NR6A1: variants seen among roughly 807,000 people sequenced by gnomAD.
NR6A1 encodes nuclear receptor subfamily 6 group A member 1, also known as retinoic acid receptor-related testis-associated receptor.
A neutral mutation model predicts 59.1 loss-of-function variants in NR6A1; 7 were observed. The ratio of observed to expected loss-of-function variants is 0.12; its 90% confidence interval spans 0.07 to 0.22. The LOEUF (loss-of-function observed/expected upper bound fraction) is 0.22, where lower values mean the gene tolerates loss of function less well. Ranked by LOEUF, NR6A1 falls within the 10% of genes least tolerant of loss-of-function variation. The pLI is 1.00. For synonymous variants in NR6A1, 243 were observed against 236.1 expected (o/e 1.03, Z -0.27); for missense variants, 468 against 611.6 (o/e 0.77, Z 2.48).
chr9:124,632,251 C>T (rs763691068), intron 2 of NR6A1, among the ~76,000 whole-genome samples: 12 of 152,188 alleles, frequency 7.9e-5, no homozygotes, highest in Non-Finnish European at 1.3e-4. Flanking sequence ...CCACACTCTT[C>T]CACAATAGTT....
At position 124,771,158 on chromosome 9, in the gene NR6A1, G is replaced by C; in HGVS notation, c.-39C>G. 1 of 1,103,480 alleles carries C rather than the reference G, an allele frequency of 9.1e-7. No individual in the cohort carries two copies. The highest frequency in any genetic ancestry group is 1.1e-6 in the Non-Finnish European group (1 of 870,594). The allele number at this position is 1,103,480 out of a possible 1,614,324, so 68.4% of individuals were successfully genotyped here. ...GGGTCCGCGCCGGGTTTGTTGCTCC[G>C]CCATGACCGGCGCCCTAGTCGCCGT... is the stretch of plus-strand genomic sequence containing the variant. On this transcript the variant is annotated 5_prime_UTR_variant, in exon 1 of 10. Transcript: ENST00000487099.
At chr9:124,719,464 C>T (rs1426800353) in intron 2 of NR6A1, among the ~76,000 whole-genome samples, 4 of 152,128 alleles carry the variant, frequency 2.6e-5, no homozygotes, top group Admixed American at 6.5e-5. Flanking sequence ...TATCAGATTA[C>T]ATTTTTAAGA....
At chr9:124,613,853 A>C (rs1835819350) in intron 2 of NR6A1, among the ~76,000 whole-genome samples, 1 of 152,194 alleles carries the variant, frequency 6.6e-6, no homozygotes, top group South Asian at 2.1e-4. Context: ...AAGTATATAA[A>C]AGTTTACAGA....
intron 2 of NR6A1, among the ~76,000 whole-genome samples, chr9:124,709,697 G>A (rs1839221101): frequency 6.6e-6 from 1 of 152,084 alleles, no homozygotes; most frequent in Non-Finnish European, 1.5e-5. Context: ...ACTTTGGGAG[G>A]CCAAGGCGGG....
intron 3 of NR6A1, among the ~76,000 whole-genome samples, chr9:124,551,376 T>A (rs1833773106): frequency 6.6e-6 from 1 of 152,216 alleles, no homozygotes; most frequent in South Asian, 2.1e-4. Flanking sequence ...GGGGATTCAT[T>A]CTGGCCTTCT....
In NR6A1 at chr9:124,750,514, C is replaced by A. The variant is rs574741822; in HGVS notation, c.101-17165G>T. Among the ~76,000 whole-genome samples the A allele has an allele frequency of 3.9e-5, 6 of 152,110 alleles. No individual in the cohort carries two copies. In the South Asian group the frequency reaches 6.2e-4, roughly 16 times the overall value. On this transcript the variant is annotated intron_variant, in intron 1 of 9. Coordinates refer to ENST00000487099, the MANE Select transcript of NR6A1 (RefSeq NM_033334.4). ...GGTGGCTCACGCCTGTAATCCCAGC[C>A]CTTTGGGAGGCCGAGGCAGGCGGAT...
At chr9:124,645,350 G>A (rs899877397) in intron 2 of NR6A1, among the ~76,000 whole-genome samples, 2 of 152,236 alleles carry the variant, frequency 1.3e-5, no homozygotes, top group African/African-American at 4.8e-5. Context: ...AAGGCAGATT[G>A]TTAGAGTGAA....
Position 124,536,003 on chromosome 9 carries a change from G to A in NR6A1, c.954C>T (p.Cys318=). ...GCTCCTGCCACGTAGAGCTCAAGAG[G>A]CACGTGTAATCCTTGATTGAGAGCT... ...FCELSIKDYT[C]LLSSTWQELI... Residue 318 remains cysteine (C), a synonymous_variant, in exon 7 of 10, where the codon TGC becomes TGT. Transcript: ENST00000487099. 6.2e-7 allele frequency: 1 copy of A among 1,614,214 alleles called. No homozygotes were observed. Among genetic ancestry groups the A allele is most frequent in the African/African-American group, 1.3e-5 (1 of 75,048 alleles).
At chr9:124,527,636 A>G (rs546435574) in intron 7 of NR6A1, among the ~76,000 whole-genome samples, 30 of 152,340 alleles carry the variant, frequency 2.0e-4, no homozygotes, top group Middle Eastern at 3.4e-3. Flanking sequence ...CCACAAATAC[A>G]GTTAATTGGT....
At chr9:124,664,680 C>G (rs1033198183) in intron 2 of NR6A1, among the ~76,000 whole-genome samples, 2 of 152,136 alleles carry the variant, frequency 1.3e-5, no homozygotes. Flanking sequence ...TCCTCAAGAA[C>G]CTCAGCAGAT....
intron 2 of NR6A1, among the ~76,000 whole-genome samples, chr9:124,565,593 A>G (rs1020037231): frequency 9.8e-5 from 15 of 152,326 alleles, no homozygotes; most frequent in African/African-American, 3.6e-4. Context: ...ACCTACAAAG[A>G]GCTCATATTC....
At chr9:124,736,245 A>C (rs1415487743) in intron 1 of NR6A1, among the ~76,000 whole-genome samples, 1 of 152,196 alleles carries the variant, frequency 6.6e-6, no homozygotes, top group Non-Finnish European at 1.5e-5. Flanking sequence ...AACGGACTAT[A>C]CTAGAAGTCT....
intron 2 of NR6A1, among the ~76,000 whole-genome samples, chr9:124,586,891 A>T (rs962060369): frequency 6.6e-6 from 1 of 152,244 alleles, no homozygotes; most frequent in African/African-American, 2.4e-5. Flanking sequence ...TTCATTGATA[A>T]AGCAGCAGCA....
At chr9:124,678,995 T>G (rs1054667996) in intron 2 of NR6A1, among the ~76,000 whole-genome samples, 1 of 152,106 alleles carries the variant, frequency 6.6e-6, no homozygotes, top group African/African-American at 2.4e-5. Context: ...GTAGGAGGTT[T>G]GCTTGGAAAC....
intron 3 of NR6A1, among the ~76,000 whole-genome samples, chr9:124,554,076 C>T (rs559045703): frequency 1.2e-4 from 18 of 152,148 alleles, no homozygotes; most frequent in Non-Finnish European, 2.4e-4. Flanking sequence ...CCAGTTAAGA[C>T]CTGATTGTTA....
intron 2 of NR6A1, among the ~76,000 whole-genome samples, chr9:124,569,816 C>T (rs930156524): frequency 6.6e-6 from 1 of 152,168 alleles, no homozygotes; most frequent in African/African-American, 2.4e-5. Flanking sequence ...TCCATTCCAC[C>T]GCACATACTA....
At chr9:124,558,668 C>T (rs1262621637) in intron 2 of NR6A1, among the ~76,000 whole-genome samples, 2 of 152,080 alleles carry the variant, frequency 1.3e-5, no homozygotes, top group South Asian at 4.1e-4. Context: ...GAAATGGAGG[C>T]CCATGAGGTG....
intron 7 of NR6A1, among the ~76,000 whole-genome samples, chr9:124,531,591 T>C (rs1279274212): frequency 6.6e-6 from 1 of 152,154 alleles, no homozygotes; most frequent in African/African-American, 2.4e-5. Context: ...TGCTTTCCAG[T>C]GGTTAACCTG....
chr9:124,549,239 A>G (rs1460439773), intron 3 of NR6A1, among the ~76,000 whole-genome samples: 1 of 106,308 alleles, frequency 9.4e-6, no homozygotes, highest in Non-Finnish European at 1.5e-5. Flanking sequence ...GTGGATGTTT[A>G]AACCCCCTCT....
Sources: allele counts gnomAD v4.1 joint callset (sites outside exome capture counted in the v4.1 genomes callset), GRCh38; gene constraint gnomAD v4.1.1; transcripts MANE v1.5; gene names NCBI Gene and HGNC (gene_info 2026-07-23, HGNC 2026-07-21).